The following SGIP1 variants were observed in gnomAD, a reference collection of about 807,000 sequenced individuals.
The protein encoded by SGIP1 is SH3-containing GRB2-like protein 3-interacting protein 1.
SGIP1 carries 38 observed loss-of-function variants against 107.5 expected under a neutral mutation model. That is an observed-to-expected ratio of 0.35 (90% CI 0.27 to 0.46). SGIP1 has a LOEUF of 0.46. Among genes scored for constraint, SGIP1 ranks in the 20% least tolerant of loss-of-function variants. SGIP1 has a pLI of 1.00. For synonymous variants in SGIP1, 365 were observed against 366.1 expected (o/e 1.00, Z 0.03); for missense variants, 929 against 1,019.5 (o/e 0.91, Z 1.21).
intron 1 of SGIP1, among the ~76,000 whole-genome samples, chr1:66,562,564 G>A (rs1320022890): frequency 1.3e-5 from 2 of 152,020 alleles, no homozygotes; most frequent in Non-Finnish European, 2.9e-5. Context: ...AAGGAGGGGT[G>A]GCAAAGTATT....
chr1:66,619,778 A>T (rs939664460), intron 1 of SGIP1, among the ~76,000 whole-genome samples: 3 of 152,102 alleles, frequency 2.0e-5, no homozygotes, highest in African/African-American at 7.2e-5. Context: ...GAATGCAAAC[A>T]CCTCAGTGTC....
intron 1 of SGIP1, among the ~76,000 whole-genome samples, chr1:66,552,076 A>C (rs2057501514): frequency 6.6e-6 from 1 of 152,098 alleles, no homozygotes; most frequent in African/African-American, 2.4e-5. Context: ...AGGGAGTAGC[A>C]GAGCAGGATG....
chr1:66,625,928 T>C lies in SGIP1; in HGVS notation c.74+18T>C, dbSNP rs371807985. 7.6e-5 allele frequency: 122 copies of C among 1,603,940 alleles called. No individual in the cohort carries two copies. The highest frequency in any genetic ancestry group is 9.8e-5 in the Non-Finnish European group (115 of 1,173,970). On this transcript the variant is annotated intron_variant, in intron 2 of 24. Coordinates refer to ENST00000371037, the MANE Select transcript of SGIP1 (RefSeq NM_032291.4). ...GATTCTACGTATGTACTTTAGGAGT[T>C]TGCCTCCTCGAAGAAGCTATTTGCA...
intron 7 of SGIP1, among the ~76,000 whole-genome samples, chr1:66,656,900 G>A (rs1557481289): frequency 1.3e-5 from 2 of 152,146 alleles, no homozygotes; most frequent in Non-Finnish European, 2.9e-5. Context: ...GGGCATAGTG[G>A]CTCATGCCTA....
Position 66,739,481 on chromosome 1 carries a change from G to T in SGIP1, c.2178G>T (p.Leu726=). 1.2e-6 allele frequency: 2 copies of T among 1,614,142 alleles called. No individual in the cohort carries two copies. Among genetic ancestry groups the T allele is most frequent in the South Asian group, 1.1e-5 (1 of 91,072 alleles). ...TAVALNNVQF[L]VPIDGGVTKL... is the part of the protein sequence containing the mutation. ...TGGCCCTCAACAATGTGCAGTTCCT[G>T]GTCCCCATCGACGGAGGAGTCACCA... The change falls in exon 22 of 25, where the codon CTG becomes CTT. Residue 726 remains leucine (L), a synonymous_variant. Coordinates refer to ENST00000371037, the MANE Select transcript of SGIP1 (RefSeq NM_032291.4).
At chr1:66,572,245 C>T (rs540384962) in intron 1 of SGIP1, among the ~76,000 whole-genome samples, 43 of 152,004 alleles carry the variant, frequency 2.8e-4, no homozygotes, top group Admixed American at 5.9e-4. Context: ...ATTTGACTTC[C>T]CTAAAATGGA....
chr1:66,662,773 G>T (rs149757394), intron 8 of SGIP1, among the ~76,000 whole-genome samples: 1 of 152,096 alleles, frequency 6.6e-6, no homozygotes, highest in Non-Finnish European at 1.5e-5. Flanking sequence ...AATGTTTTCC[G>T]CATTGGAAGA....
rs755696613 is a variant in SGIP1 at position 66,733,742 on chromosome 1, G to A, written c.1899-6G>A. 2.2e-5 allele frequency: 35 copies of A among 1,606,806 alleles called. No individual in the cohort carries two copies. Among genetic ancestry groups the A allele is most frequent in the East Asian group, 9.0e-5 (4 of 44,638 alleles). ...TACTCAATCATTTTTCTTCCCAAAT[G>A]AACAGTGATAATACACAAAATGATG... On this transcript the variant is annotated splice_polypyrimidine_tract_variant and splice_region_variant and intron_variant, in intron 20 of 24. Transcript: ENST00000371037.
chr1:66,614,130 C>T (rs905265956), intron 1 of SGIP1, among the ~76,000 whole-genome samples: 1 of 152,100 alleles, frequency 6.6e-6, no homozygotes, highest in African/African-American at 2.4e-5. Flanking sequence ...AGTAGAGCAA[C>T]AAATATGTAT....
At chr1:66,645,987 C>T (rs1391615547) in intron 7 of SGIP1, among the ~76,000 whole-genome samples, 1 of 151,984 alleles carries the variant, frequency 6.6e-6, no homozygotes, top group South Asian at 2.1e-4. Context: ...ATTACAGGCA[C>T]GTGCCACCAT....
intron 1 of SGIP1, among the ~76,000 whole-genome samples, chr1:66,540,133 C>T (rs1284256361): frequency 6.6e-6 from 1 of 151,934 alleles, no homozygotes; most frequent in Non-Finnish European, 1.5e-5. Flanking sequence ...TATGTATTCT[C>T]ACTGGAGAAA....
rs2065821504 is a variant in SGIP1, at chr1:66,601,514, T to C, written c.11-24333T>C. Among the ~76,000 whole-genome samples the C allele has an allele frequency of 2.0e-5, 3 of 152,110 alleles. No individual in the cohort carries two copies. In the South Asian group the frequency reaches 6.2e-4, roughly 32 times the overall value. On this transcript the variant is annotated intron_variant, in intron 1 of 24. Coordinates refer to ENST00000371037, the MANE Select transcript of SGIP1 (RefSeq NM_032291.4). ...GGGAGGGGTTATTTGTTTTTGAGTA[T>C]GTGCATGTGTGTGTGTGTGAGAGAG...
chr1:66,660,415 A>G, intron 7 of SGIP1, 98 bp from the exon 8 acceptor site: 1 of 1,163,992 alleles, frequency 8.6e-7, no homozygotes, highest in Non-Finnish European at 1.3e-6. Flanking sequence ...AGCTCCCTTA[A>G]GTAAGGTTAT....
At chr1:66,689,513 G>A (rs1428875544) in intron 16 of SGIP1, among the ~76,000 whole-genome samples, 1 of 152,216 alleles carries the variant, frequency 6.6e-6, no homozygotes, top group Admixed American at 6.5e-5. Flanking sequence ...CTCTGCTACA[G>A]TGGGTTAGAT....
At chr1:66,680,474 A>G (rs1417343659) in intron 14 of SGIP1, among the ~76,000 whole-genome samples, 1 of 152,204 alleles carries the variant, frequency 6.6e-6, no homozygotes, top group Non-Finnish European at 1.5e-5. Flanking sequence ...ATTCTGTTGC[A>G]GCTTCATCCT....
chr1:66,570,651 T>C (rs2060256459), intron 1 of SGIP1, among the ~76,000 whole-genome samples: 1 of 151,978 alleles, frequency 6.6e-6, no homozygotes, highest in Admixed American at 6.6e-5. Context: ...GTGCCTACTG[T>C]ATACCAAGCA....
chr1:66,536,620 A>G (rs1299933625), intron 1 of SGIP1, among the ~76,000 whole-genome samples: 2 of 152,168 alleles, frequency 1.3e-5, no homozygotes, highest in East Asian at 1.9e-4. Context: ...GCCTCTGTAC[A>G]TCTACCACAA....
chr1:66,593,014 G>A lies in SGIP1; in HGVS notation c.11-32833G>A, dbSNP rs1596761. 2.8e-5 allele frequency among the ~76,000 whole-genome samples: 4 copies of A among 141,932 alleles called. No homozygotes were observed. The Admixed American group carries it at 3.0e-4, about 11-fold the overall frequency. The allele number at this position is 141,932 out of a possible 152,430, so 93.1% of individuals were successfully genotyped here. A position where few individuals can be genotyped will look rare whatever the true frequency, so the allele number is the denominator to read the frequency against. On this transcript the variant is annotated intron_variant, in intron 1 of 24. Transcript: ENST00000371037. ...CCACCTTTGCCTCCCAAAGTGCTAA[G>A]ATTGCAGGCATGAGCCACTGTGACT...
intron 20 of SGIP1, among the ~76,000 whole-genome samples, chr1:66,733,130 A>G (rs1426221187): frequency 6.6e-6 from 1 of 152,226 alleles, no homozygotes; most frequent in Non-Finnish European, 1.5e-5. Flanking sequence ...CTTCTTCTGT[A>G]TTATAACTAC....
Sources: gnomAD v4.1 joint callset for allele counts (sites outside exome capture counted in the v4.1 genomes callset) on GRCh38, gnomAD v4.1.1 for gene constraint, MANE v1.5 for transcripts, NCBI Gene and HGNC (gene_info 2026-07-23, HGNC 2026-07-21) for gene names.